SORL1: variants seen among roughly 807,000 people sequenced by gnomAD.
The protein encoded by SORL1 is sortilin-related receptor.
In SORL1, 127 loss-of-function variants were observed where a neutral mutation model predicts 273.7. That is an observed-to-expected ratio of 0.46 (90% CI 0.40 to 0.54). SORL1 has a LOEUF of 0.54. Among genes scored for constraint, SORL1 ranks in the 20% least tolerant of loss-of-function variants. The probability of loss-of-function intolerance (pLI) is 0.00; values close to 1 mark genes in which losing one functional copy is unlikely to be tolerated. For synonymous variants in SORL1, 1,031 were observed against 1,067.4 expected, an observed-to-expected ratio of 0.97 and a Z score of 0.66; for missense variants, 2,494 against 2,846.1, an observed-to-expected ratio of 0.88 and a Z score of 2.81.
At position 121,629,498 on chromosome 11, in the gene SORL1, G is replaced by A. The variant is rs779578073; in HGVS notation, c.6580G>A (p.Glu2194Lys). 38 of 1,552,926 alleles carry A rather than the reference G, an allele frequency of 2.4e-5. No individual in the cohort carries two copies. The highest frequency in any genetic ancestry group is 7.1e-6 in the Non-Finnish European group (8 of 1,124,192). Residue 2194 changes from glutamate to lysine, a missense_variant and splice_region_variant, in exon 48 of 48, where the codon GAA becomes AAA. Glu to Lys is a moderately conservative substitution (Grantham distance 56). Around this residue, in one of 3 missense-constraint regions of SORL1, gnomAD observed 1,609 missense variants for 1,816.4 expected, o/e 0.89. Transcript: ENST00000260197. ...AGGCCTGACTGTTTTGTCTCTAGGG[G>A]AAGATGATGAAGATGCCCCTATGAT... is the stretch of plus-strand genomic sequence containing the variant. ...AIFSSGDDLG[E>K]DDEDAPMITG...
intron 2 of SORL1, among the ~76,000 whole-genome samples, chr11:121,474,704 G>T (rs1015085413): frequency 1.3e-5 from 2 of 152,214 alleles, no homozygotes; most frequent in Non-Finnish European, 2.9e-5. Flanking sequence ...CACAAGATGA[G>T]TGAGTCCGGG....
At chr11:121,592,019 G>C (rs893361568) in intron 31 of SORL1, among the ~76,000 whole-genome samples, 1 of 152,146 alleles carries the variant, frequency 6.6e-6, no homozygotes, top group Non-Finnish European at 1.5e-5. Flanking sequence ...CTGTCTAGAA[G>C]ATCAATTTTT....
chr11:121,533,963 A>T (rs1862235359), intron 12 of SORL1, among the ~76,000 whole-genome samples: 2 of 152,264 alleles, frequency 1.3e-5, no homozygotes, highest in South Asian at 2.1e-4. Flanking sequence ...CACAGAGCAC[A>T]GTACTTCCCA....
In SORL1 at chr11:121,618,793, C is replaced by A; in HGVS notation, c.5624C>A (p.Ala1875Asp). Residue 1875 changes from alanine (A) to aspartate (D), a missense_variant, in exon 42 of 48, where the codon GCC (alanine) becomes GAC (aspartate). By Grantham distance (126) the Ala-to-Asp change is moderately radical (BLOSUM62 -2). This residue lies in a region of SORL1 where 1,609 missense variants were observed against 1,816.4 expected (regional missense o/e 0.89). Transcript: ENST00000260197. ...TACCAGGTTTATGGTATTTTCTATG[C>A]CACGTCCTTTCTTGACCTCTATCGC... ...PRNVVYGIFY[A>D]TSFLDLYRNP... The A allele has an allele frequency of 1.2e-6, 2 of 1,614,104 alleles. No individual in the cohort carries two copies. Among genetic ancestry groups the A allele is most frequent in the Non-Finnish European group, 1.7e-6 (2 of 1,179,962 alleles).
intron 14 of SORL1, among the ~76,000 whole-genome samples, chr11:121,549,046 T>A (rs779520995): frequency 6.6e-6 from 1 of 152,192 alleles, no homozygotes; most frequent in Non-Finnish European, 1.5e-5. Flanking sequence ...TTTAGAATCG[T>A]CTTCGACTGA....
intron 23 of SORL1, among the ~76,000 whole-genome samples, chr11:121,570,771 G>C (rs1026572042): frequency 6.6e-6 from 1 of 152,198 alleles, no homozygotes; most frequent in Non-Finnish European, 1.5e-5. Context: ...GGCCTACAGT[G>C]TGGGGCCATT....
At chr11:121,501,926 T>A (rs903655490) in intron 6 of SORL1, among the ~76,000 whole-genome samples, 1 of 152,208 alleles carries the variant, frequency 6.6e-6, no homozygotes, top group African/African-American at 2.4e-5. Flanking sequence ...CCATTTTTAA[T>A]GGCTGACTAG....
chr11:121,560,628 G>A (rs1002007506), intron 21 of SORL1, among the ~76,000 whole-genome samples: 7 of 152,076 alleles, frequency 4.6e-5, no homozygotes, highest in Non-Finnish European at 7.4e-5. Context: ...ATGGTTCTTG[G>A]CTGACCCTAT....
In SORL1 at chr11:121,630,061, C is replaced by G. The variant is rs1204737139; in HGVS notation, c.*498C>G. 1 of 161,340 alleles carries G rather than the reference C, an allele frequency of 6.2e-6. No homozygotes were observed. Among genetic ancestry groups the G allele is most frequent in the African/African-American group, 2.4e-5 (1 of 41,464 alleles). 10.0% of individuals were successfully genotyped at this position (161,340 alleles called of 1,614,324 possible). A position where few individuals can be genotyped will look rare whatever the true frequency, so the allele number is the denominator to read the frequency against. Reference sequence around the variant, plus strand: ...GTTATTTTGTTAATTTATTGGGACTCTGTGTAAGGCCAGGCTTTAGTGGTC... The same window carrying G: ...GTTATTTTGTTAATTTATTGGGACTGTGTGTAAGGCCAGGCTTTAGTGGTC... On this transcript the variant is annotated 3_prime_UTR_variant, in exon 48 of 48. Transcript: ENST00000260197.
At chr11:121,565,295 G>A (rs3781831) in intron 21 of SORL1, among the ~76,000 whole-genome samples, 4,082 of 152,280 alleles carry the variant, frequency 0.027, 160 homozygotes, top group East Asian at 0.21. Context: ...CTCTGGATGT[G>A]TGTGTTTTCT....
At chr11:121,535,885 G>T (rs1862259867) in intron 12 of SORL1, among the ~76,000 whole-genome samples, 1 of 152,138 alleles carries the variant, frequency 6.6e-6, no homozygotes, top group Non-Finnish European at 1.5e-5. Context: ...GGGTAAATAA[G>T]AACCTGCACT....
chr11:121,543,433 A>C lies in SORL1; in HGVS notation c.1686-115A>C, dbSNP rs958597855. 1.7e-5 allele frequency: 13 copies of C among 784,926 alleles called. No homozygotes were observed. In the African/African-American group the frequency reaches 2.3e-4, roughly 14 times the overall value. 48.6% of individuals were successfully genotyped at this position (784,926 alleles called of 1,614,324 possible). A position where few individuals can be genotyped will look rare whatever the true frequency, so the allele number is the denominator to read the frequency against. ...TAAACTTTCCCTGCCTTAGCCCAGG[A>C]TCAGCCATTTCTCCAAGGAGCCCTG... On this transcript the variant is annotated intron_variant, in intron 12 of 47. Transcript: ENST00000260197.
At chr11:121,604,462 T>A in intron 33 of SORL1, 138 bp downstream of exon 33, 1 of 1,176,768 alleles carries the variant, frequency 8.5e-7, no homozygotes, top group Non-Finnish European at 1.2e-6. Context: ...GATTTGTGCC[T>A]AGTTTTGGAG....
At chr11:121,567,663 C>A (rs1052863341) in intron 22 of SORL1, among the ~76,000 whole-genome samples, 13 of 152,222 alleles carry the variant, frequency 8.5e-5, no homozygotes, top group African/African-American at 2.9e-4. Context: ...GCAAGAGCAG[C>A]CTTACACCCA....
intron 25 of SORL1, among the ~76,000 whole-genome samples, chr11:121,581,926 G>T (rs746435355): frequency 6.6e-6 from 1 of 152,214 alleles, no homozygotes; most frequent in Non-Finnish European, 1.5e-5. Context: ...CTTGTGACAC[G>T]AATAAATCAA....
intron 43 of SORL1, 123 bp downstream of exon 43, chr11:121,620,040 G>A (rs1048950276): frequency 1.4e-5 from 11 of 758,800 alleles, no homozygotes; most frequent in Non-Finnish European, 2.3e-5. Context: ...CTCAGCAGGA[G>A]GTCTCTCTCC....
At chr11:121,490,740 C>CAA (rs5795272) in intron 5 of SORL1, among the ~76,000 whole-genome samples, 2,366 of 118,124 alleles carry the variant, frequency 0.02, 58 homozygotes, top group African/African-American at 0.032. Context: ...GACTCTGTCT[C>CAA]AAAAAAAAAA....
rs376955109 is a variant in SORL1 at position 121,595,722 on chromosome 11, G to T, written c.4469G>T (p.Arg1490Leu). ...QPKTCIPNWK[R>L]CDGHQDCQDG... ...AAGACGTGTATTCCCAACTGGAAGCGCTGTGACGGCCACCAAGATTGCCAG... is the reference window on the plus strand; with the variant it reads ...AAGACGTGTATTCCCAACTGGAAGCTCTGTGACGGCCACCAAGATTGCCAG... The change falls in exon 32 of 48, where the codon CGC becomes CTC. Residue 1490 changes from arginine (R) to leucine (L), a missense_variant. Physicochemically the swap from Arg to Leu is moderately radical, Grantham distance 102 (BLOSUM62 -2). Transcript: ENST00000260197. The surrounding 1 kb of genome is among the most constrained non-coding windows in gnomAD (Gnocchi z 5.1). 4 of 1,613,980 alleles carry T rather than the reference G, an allele frequency of 2.5e-6. No individual in the cohort carries two copies. In the South Asian group the frequency reaches 4.4e-5, roughly 18 times the overall value.
intron 45 of SORL1, among the ~76,000 whole-genome samples, chr11:121,622,551 G>A (rs768826052): frequency 5.3e-5 from 8 of 152,210 alleles, no homozygotes; most frequent in Admixed American, 1.3e-4. Flanking sequence ...AGGCCATGCT[G>A]TGCTTCCCGC....
Sources: allele counts gnomAD v4.1 joint callset (sites outside exome capture counted in the v4.1 genomes callset), GRCh38; gene constraint gnomAD v4.1.1; regional missense constraint gnomAD v4.1.1; non-coding constraint Gnocchi (gnomAD v3.1); transcripts MANE v1.5; gene names NCBI Gene and HGNC (gene_info 2026-07-23, HGNC 2026-07-21).